FBXO3: variants seen among roughly 807,000 people sequenced by gnomAD.
FBXO3 encodes the protein F-box protein 3, also known as F-box only protein 3.
A neutral mutation model predicts 64.8 loss-of-function variants in FBXO3; 17 were observed. The observed-to-expected ratio is 0.26, with a 90% CI of 0.18 to 0.39. The LOEUF (loss-of-function observed/expected upper bound fraction) is 0.39, where lower values mean the gene tolerates loss of function less well. Among genes scored for constraint, FBXO3 ranks in the 10% least tolerant of loss-of-function variants. The probability of loss-of-function intolerance (pLI) is 1.00; values close to 1 mark genes in which losing one functional copy is unlikely to be tolerated. For missense variants in FBXO3, 420 were observed against 589.9 expected, an observed-to-expected ratio of 0.71 and a Z score of 2.98; for synonymous variants, 182 against 201.6, an observed-to-expected ratio of 0.90 and a Z score of 0.82.
At chr11:33,769,854 GTT>G (rs35225091) in intron 2 of FBXO3, among the ~76,000 whole-genome samples, 37,098 of 123,988 alleles carry the variant, frequency 0.3, 5,757 homozygotes, top group East Asian at 0.44. Context: ...CTCAGGGTGG[GTT>G]TTTTTTTTTT....
intron 10 of FBXO3, chr11:33,746,138 C>A (rs996477753): frequency 2.0e-5 from 3 of 152,454 alleles, no homozygotes; most frequent in African/African-American, 7.2e-5. Flanking sequence ...AAACAGAACT[C>A]TAGCCCCAGA....
intron 2 of FBXO3, among the ~76,000 whole-genome samples, chr11:33,770,014 T>G (rs961742201): frequency 1.2e-4 from 18 of 152,204 alleles, no homozygotes; most frequent in Non-Finnish European, 2.9e-5. Flanking sequence ...AAAGGAAATC[T>G]TAGGTATTTC....
Position 33,755,801 on chromosome 11 carries a change from T to A in FBXO3, c.648A>T (p.Arg216=). ...ATTGGTAGAAAACTTCATTTTTGTT[T>A]CGGCCCTCTGCAGCTTCCACTGCTA... ...QYIAVEAAEG[R]NKNEVFYQCP... Residue 216 remains arginine (R), a synonymous_variant, in exon 5 of 11, where the codon CGA becomes CGT. Coordinates refer to ENST00000265651, the MANE Select transcript of FBXO3 (RefSeq NM_012175.4). 6.2e-7 allele frequency: 1 copy of A among 1,614,138 alleles called. No individual in the cohort carries two copies. The highest frequency in any genetic ancestry group is 1.1e-5 in the South Asian group (1 of 91,078).
chr11:33,745,795 C>T (rs768005716), intron 10 of FBXO3: 2 of 151,874 alleles, frequency 1.3e-5, no homozygotes, highest in African/African-American at 2.4e-5. Flanking sequence ...GAAATCAATG[C>T]GATAGAAAAT....
chr11:33,745,832 C>T (rs1219766309), intron 10 of FBXO3: 1 of 151,836 alleles, frequency 6.6e-6, no homozygotes, highest in Non-Finnish European at 1.5e-5. Flanking sequence ...TTAGTAAAAC[C>T]AAAAGTTGCT....
chr11:33,771,428 A>G (rs1454746818), intron 1 of FBXO3: 1 of 152,250 alleles, frequency 6.6e-6, no homozygotes, highest in Non-Finnish European at 1.5e-5. Flanking sequence ...CAAAACATCG[A>G]ATGTTAGAAG....
chr11:33,742,834 C>G (rs2133588841), intron 10 of FBXO3: 1 of 152,204 alleles, frequency 6.6e-6, no homozygotes, highest in South Asian at 2.1e-4. Context: ...TCATTATTAT[C>G]TCTCATGGTT....
intron 10 of FBXO3, chr11:33,746,635 T>TA (rs1412720738): frequency 2.5e-6 from 2 of 799,370 alleles, no homozygotes; most frequent in Non-Finnish European, 2.1e-6. Flanking sequence ...GAGTTACTGT[T>TA]ACACTTGTCA....
intron 2 of FBXO3, among the ~76,000 whole-genome samples, chr11:33,769,555 A>G (rs1460569332): frequency 3.3e-5 from 5 of 152,200 alleles, no homozygotes; most frequent in Non-Finnish European, 5.9e-5. Flanking sequence ...TTTACCTTCA[A>G]AAAAGGTAAG....
chr11:33,765,284 T>C (rs2133618320), intron 3 of FBXO3, among the ~76,000 whole-genome samples: 1 of 152,234 alleles, frequency 6.6e-6, no homozygotes, highest in Middle Eastern at 3.4e-3. Flanking sequence ...AATCTCAAAT[T>C]ACTCCAAAAT....
chr11:33,747,775 G>T (rs1340657236), intron 9 of FBXO3, among the ~76,000 whole-genome samples: 1 of 151,566 alleles, frequency 6.6e-6, no homozygotes. Context: ...GCCTCCCAAA[G>T]TTCTGGGATA....
At chr11:33,764,057 G>C (rs1855308535) in intron 3 of FBXO3, among the ~76,000 whole-genome samples, 1 of 152,110 alleles carries the variant, frequency 6.6e-6, no homozygotes, top group Non-Finnish European at 1.5e-5. Flanking sequence ...TATACTCATA[G>C]AGACATCAAC....
In FBXO3 at chr11:33,747,329, A is replaced by G. The variant is rs903846856; in HGVS notation, c.1049-9T>C. The G allele has an allele frequency of 1.1e-5, 17 of 1,605,578 alleles. No homozygotes were observed. The highest frequency in any genetic ancestry group is 1.4e-5 in the Non-Finnish European group (16 of 1,176,572). On this transcript the variant is annotated splice_polypyrimidine_tract_variant and intron_variant, in intron 9 of 10. Transcript: ENST00000265651. ...GATGATTGGAAATTCACCTGCAGGG[A>G]AAACAGTAACAATAAACCAAAGTAT... is the stretch of plus-strand genomic sequence containing the variant.
rs1854687212 is a variant in FBXO3, at chr11:33,741,597, C to T, written c.*311G>A. 1 of 188,216 alleles carries T rather than the reference C, an allele frequency of 5.3e-6. No homozygotes were observed. The highest frequency in any genetic ancestry group is 2.3e-5 in the African/African-American group (1 of 43,012). The allele number at this position is 188,216 out of a possible 1,614,324, so 11.7% of individuals were successfully genotyped here. On this transcript the variant is annotated 3_prime_UTR_variant, in exon 11 of 11. Coordinates refer to ENST00000265651, the MANE Select transcript of FBXO3 (RefSeq NM_012175.4). ...TCCTTATTCAAAACAGTTCCCTCTC[C>T]ATTTCTAGATTTTTGTAAGTATAAA...
chr11:33,760,441 G>A (rs1331957490), intron 3 of FBXO3, among the ~76,000 whole-genome samples: 9 of 151,828 alleles, frequency 5.9e-5, no homozygotes, highest in Admixed American at 2.0e-4. Context: ...CCAGGAGTTC[G>A]AGACCAGCCT....
Position 33,770,790 on chromosome 11 carries a change from G to T in FBXO3, c.145C>A (p.His49Asn). 6.2e-7 allele frequency: 1 copy of T among 1,611,202 alleles called. No homozygotes were observed. The highest frequency in any genetic ancestry group is 1.1e-5 in the South Asian group (1 of 90,646). ...CAATGTCTTCTCCACAGCGGATCAT[G>T]ACTTGATAGCTGGCTAAGTCTTCGA... The part of the protein sequence containing the change: ...VSRRLSQLSS[H>N]DPLWRRHCKK... Residue 49 changes from histidine (H) to asparagine (N), a missense_variant, in exon 2 of 11, where the codon CAT (histidine) becomes AAT (asparagine). By Grantham distance (68) the His-to-Asn change is moderately conservative. Transcript: ENST00000265651.
At chr11:33,771,846 C>T (rs1340462130) in intron 1 of FBXO3, 1 of 152,214 alleles carries the variant, frequency 6.6e-6, no homozygotes, top group Non-Finnish European at 1.5e-5. Context: ...CTTCTTGATT[C>T]CTGTCCCTCC....
chr11:33,755,879 C>T lies in FBXO3; in HGVS notation c.570G>A (p.Leu190=). 1 of 1,613,896 alleles carries T rather than the reference C, an allele frequency of 6.2e-7. No homozygotes were observed. The highest frequency in any genetic ancestry group is 1.1e-5 in the South Asian group (1 of 91,082). Reference sequence around the variant, plus strand: ...AAAAAGTTAAAGGGAGACAGTATTTCAGTCCCTGTCTCTGCTGGAATCCTC... The same window carrying T: ...AAAAAGTTAAAGGGAGACAGTATTTTAGTCCCTGTCTCTGCTGGAATCCTC... ...AAGGFQQRQG[L]KYCLPLTFCI... Residue 190 remains leucine, a synonymous_variant, in exon 5 of 11, where the codon CTG becomes CTA. Coordinates refer to ENST00000265651, the MANE Select transcript of FBXO3 (RefSeq NM_012175.4).
At chr11:33,763,974 C>T (rs1260472589) in intron 3 of FBXO3, among the ~76,000 whole-genome samples, 1 of 152,136 alleles carries the variant, frequency 6.6e-6, no homozygotes, top group Non-Finnish European at 1.5e-5. Flanking sequence ...AAAATAAACA[C>T]CATCTTTTGA....
Sources: gnomAD v4.1 joint callset for allele counts (sites outside exome capture counted in the v4.1 genomes callset) on GRCh38, gnomAD v4.1.1 for gene constraint, MANE v1.5 for transcripts, NCBI Gene and HGNC (gene_info 2026-07-23, HGNC 2026-07-21) for gene names.